Variants in RDM1 observed in about 807,000 individuals in gnomAD.
The protein encoded by RDM1 is RAD52 motif-containing protein 1.
Under a neutral mutation model 27.7 loss-of-function variants are expected in RDM1, and 28 were observed. The observed-to-expected ratio is 1.01, with a 90% CI of 0.75 to 1.39. The LOEUF (loss-of-function observed/expected upper bound fraction) is 1.39, where lower values mean the gene tolerates loss of function less well. Ranked by LOEUF, RDM1 falls within the 40% of genes most tolerant of loss-of-function variation. The pLI is 0.00. For synonymous variants in RDM1, 124 were observed against 127.5 expected (o/e 0.97, Z 0.19); for missense variants, 277 against 337.3 (o/e 0.82, Z 1.40).
chr17:35,930,580 CAG>C, intron 1 of RDM1, 50 bp downstream of exon 1: 1 of 1,544,914 alleles, frequency 6.5e-7, no homozygotes, highest in East Asian at 2.2e-5. Flanking sequence ...AACTCCCAGT[CAG>C]CGGGTGGGCA....
chr17:35,921,714 A>G (rs985509365), intron 5 of RDM1, among the ~76,000 whole-genome samples: 1 of 152,168 alleles, frequency 6.6e-6, no homozygotes, highest in Admixed American at 6.5e-5. Flanking sequence ...TAAATCAACA[A>G]TGACAATAAT....
In RDM1 at chr17:35,930,649, TG is replaced by T. The variant is rs1442008355; in HGVS notation, c.78del (p.Thr27ArgfsTer83). 4.3e-6 allele frequency: 7 copies of T among 1,613,480 alleles called. No homozygotes were observed. Among genetic ancestry groups the T allele is most frequent in the Non-Finnish European group, 5.9e-6 (7 of 1,179,952 alleles). Reference sequence around the variant, plus strand: ...CGGCTCACATGCAAAGCCTCGGCCGTGGGTCCGGAGCTCAGCTCCCACACTA... The same window carrying T: ...CGGCTCACATGCAAAGCCTCGGCCGTGGTCCGGAGCTCAGCTCCCACACTA... ...TLLVWELSSG[P>X]TAEALHHSLF... On this transcript the variant is annotated frameshift_variant, in exon 1 of 7. Coordinates refer to ENST00000620284, the MANE Select transcript of RDM1 (RefSeq NM_145654.4). LOFTEE classifies it high-confidence loss of function.
In RDM1 at chr17:35,922,691, AC is replaced by A; in HGVS notation, c.569-17del. On this transcript the variant is annotated splice_polypyrimidine_tract_variant and intron_variant, in intron 4 of 6. Transcript: ENST00000620284. ...GATAATGGTCCTAAATCCAACCAAA[AC>A]AAATGGATTTAAGGTGCCTATTTGA... 6.4e-7 allele frequency: 1 copy of A among 1,572,284 alleles called. No homozygotes were observed. The highest frequency in any genetic ancestry group is 8.6e-7 in the Non-Finnish European group (1 of 1,160,194).
At position 35,926,408 on chromosome 17, in the gene RDM1, C is replaced by CT. The variant is rs912331916; in HGVS notation, c.277-772dup. ...ATTAATAAGAATTAACAGTAAAGTT[C>CT]TTTTTTTTTTTCTGAGACGGAGTCT... On this transcript the variant is annotated intron_variant, in intron 2 of 6. Coordinates refer to ENST00000620284, the MANE Select transcript of RDM1 (RefSeq NM_145654.4). 5.5e-3 allele frequency among the ~76,000 whole-genome samples: 801 copies of CT among 146,916 alleles called. 14 individuals carry two copies. Among genetic ancestry groups the CT allele is most frequent in the East Asian group, 0.041 (208 of 5,040 alleles).
intron 3 of RDM1, 143 bp from the exon 4 acceptor site, chr17:35,924,915 C>T: frequency 1.5e-6 from 1 of 670,838 alleles, no homozygotes; most frequent in Non-Finnish European, 2.4e-6. Flanking sequence ...GTGGGCGGAT[C>T]ACGAGGTCAA....
chr17:35,925,397 A>G (rs915502763), intron 3 of RDM1, 118 bp downstream of exon 3: 91 of 1,075,308 alleles, frequency 8.5e-5, no homozygotes, highest in East Asian at 1.2e-4. Flanking sequence ...TTTATCCTCA[A>G]TGGTAGAGGC....
chr17:35,927,845 C>G (rs2089201798), intron 2 of RDM1, among the ~76,000 whole-genome samples: 1 of 152,028 alleles, frequency 6.6e-6, no homozygotes. Flanking sequence ...AAAATGATAC[C>G]AAGTAAATGT....
Position 35,918,261 on chromosome 17 carries a change from G to C in RDM1, c.*81C>G, listed in dbSNP as rs1314091316. Reference sequence around the variant, plus strand: ...GGTTCCAGGACTCCAGCAGCCTATAGTGGTGGGGCGGCGTGGGGTAGGGGC... The same window carrying C: ...GGTTCCAGGACTCCAGCAGCCTATACTGGTGGGGCGGCGTGGGGTAGGGGC... On this transcript the variant is annotated 3_prime_UTR_variant, in exon 7 of 7. Coordinates refer to ENST00000620284, the MANE Select transcript of RDM1 (RefSeq NM_145654.4). The C allele has an allele frequency of 7.4e-6, 9 of 1,208,978 alleles. No individual in the cohort carries two copies. Among genetic ancestry groups the C allele is most frequent in the Non-Finnish European group, 9.7e-6 (8 of 823,744 alleles). The allele number at this position is 1,208,978 out of a possible 1,614,324, so 74.9% of individuals were successfully genotyped here.
chr17:35,930,046 C>A (rs2280787), intron 2 of RDM1, 30 bp downstream of exon 2: 250,269 of 1,577,588 alleles, frequency 0.16, 21,068 homozygotes, highest in South Asian at 0.26. Flanking sequence ...TTCATTTCAG[C>A]GGAGCTAGGA....
intron 6 of RDM1, among the ~76,000 whole-genome samples, 182 bp from the exon 7 acceptor site, chr17:35,918,625 T>G (rs2242597): frequency 0.11 from 16,195 of 152,104 alleles, 1,969 homozygotes; most frequent in African/African-American, 0.3. Context: ...TAGGAGGGGT[T>G]TTGGGAGGTG....
intron 6 of RDM1, among the ~76,000 whole-genome samples, chr17:35,918,838 C>T (rs2526324): frequency 0.044 from 6,640 of 152,254 alleles, 482 homozygotes; most frequent in African/African-American, 0.15. Flanking sequence ...CCTCCACAGC[C>T]ATTGTTACCT....
intron 4 of RDM1, among the ~76,000 whole-genome samples, chr17:35,923,595 G>A (rs957904853): frequency 1.3e-5 from 2 of 151,976 alleles, no homozygotes; most frequent in Non-Finnish European, 2.9e-5. Context: ...CCTGGGAGAT[G>A]GAGGTTGCTG....
In RDM1 at chr17:35,918,403, T is replaced by A. The variant is rs1188910120; in HGVS notation, c.794A>T (p.Glu265Val). The change falls in exon 7 of 7, where the codon GAA becomes GTA. Residue 265 changes from glutamate to valine, a missense_variant. Transcript: ENST00000620284. Reference protein sequence around the residue: ...SPWKQYGQEEEGYLSDFSLEE... With the variant: ...SPWKQYGQEEVGYLSDFSLEE... Reference sequence around the variant, plus strand: ...CAAGCTGAAATCCGAGAGATACCCTTCCTCCTCTTGGCCATACTGCTTCCA... The same window carrying A: ...CAAGCTGAAATCCGAGAGATACCCTACCTCCTCTTGGCCATACTGCTTCCA... The A allele has an allele frequency of 1.4e-5, 23 of 1,613,978 alleles. No individual in the cohort carries two copies. The highest frequency in any genetic ancestry group is 1.6e-4 in the Middle Eastern group (1 of 6,080).
rs1282468249 is a variant in RDM1 at position 35,924,774 on chromosome 17, T to G, written c.400-2A>C. 2.5e-6 allele frequency: 4 copies of G among 1,613,258 alleles called. No homozygotes were observed. The highest frequency in any genetic ancestry group is 1.1e-5 in the South Asian group (1 of 91,036). On this transcript the variant is annotated splice_acceptor_variant, in intron 3 of 6. Transcript: ENST00000620284. LOFTEE classifies it high-confidence loss of function. ...TTCAAGGTCAGAAAGCTCCTGAAGC[T>G]GTAAGGATATTTAATGTAAGGTCCT...
chr17:35,929,841 T>C (rs894443608), intron 2 of RDM1, among the ~76,000 whole-genome samples: 1 of 152,190 alleles, frequency 6.6e-6, no homozygotes, highest in African/African-American at 2.4e-5. Flanking sequence ...AGGTTTAGCA[T>C]CAGTAGGTTT....
intron 2 of RDM1, among the ~76,000 whole-genome samples, chr17:35,928,845 G>A (rs1281531090): frequency 3.3e-5 from 5 of 152,026 alleles, no homozygotes; most frequent in Admixed American, 6.6e-5. Context: ...GGAGGCTGAG[G>A]TGGGTGGATC....
At chr17:35,927,376 G>A (rs184777384) in intron 2 of RDM1, among the ~76,000 whole-genome samples, 2 of 151,994 alleles carry the variant, frequency 1.3e-5, no homozygotes, top group Non-Finnish European at 2.9e-5. Context: ...GGAGGCAGAG[G>A]CTGCAGTGAG....
chr17:35,930,367 TC>T, intron 1 of RDM1, 112 bp from the exon 2 acceptor site: 2 of 1,362,206 alleles, frequency 1.5e-6, no homozygotes, highest in Non-Finnish European at 2.1e-6. Flanking sequence ...TCAAAACACT[TC>T]CCACTTAATC....
At chr17:35,925,801 C>A (rs1201314093) in intron 2 of RDM1, among the ~76,000 whole-genome samples, 164 bp from the exon 3 acceptor site, 1 of 151,994 alleles carries the variant, frequency 6.6e-6, no homozygotes, top group Admixed American at 6.5e-5. Context: ...ATAAGATGAA[C>A]CCACCACCCA....
Sources: gnomAD v4.1 joint callset for allele counts (sites outside exome capture counted in the v4.1 genomes callset) on GRCh38, gnomAD v4.1.1 for gene constraint, MANE v1.5 for transcripts, NCBI Gene and HGNC (gene_info 2026-07-23, HGNC 2026-07-21) for gene names.